MYO5B: variants seen among roughly 807,000 people sequenced by gnomAD.
The protein encoded by MYO5B is unconventional myosin-Vb.
A neutral mutation model predicts 229.3 loss-of-function variants in MYO5B; 143 were observed. The observed-to-expected ratio is 0.62, with a 90% CI of 0.54 to 0.72. The LOEUF is 0.72. MYO5B is among the 30% of genes least tolerant of loss of function. MYO5B has a pLI of 0.00. For missense variants in MYO5B, 2,321 were observed against 2,331.0 expected (o/e 1.00, Z 0.09); for synonymous variants, 918 against 885.2 (o/e 1.04, Z -0.66).
At chr18:50,060,365 AT>A (rs2030658224) in intron 1 of MYO5B, among the ~76,000 whole-genome samples, 1 of 152,148 alleles carries the variant, frequency 6.6e-6, no homozygotes, top group East Asian at 1.9e-4. Context: ...TTGCCTCTTA[AT>A]TTTTTCTCAC....
chr18:50,081,396 G>A (rs2031216911), intron 1 of MYO5B, among the ~76,000 whole-genome samples: 1 of 152,186 alleles, frequency 6.6e-6, no homozygotes, highest in South Asian at 2.1e-4. Context: ...AAAGCTAACT[G>A]AGGGCTCGGG....
rs748566298 is a variant in MYO5B at position 49,954,354 on chromosome 18, T to A, written c.1627A>T (p.Met543Leu). 6.2e-7 allele frequency: 1 copy of A among 1,614,032 alleles called. No homozygotes were observed. Among genetic ancestry groups the A allele is most frequent in the Non-Finnish European group, 8.5e-7 (1 of 1,179,974 alleles). The change falls in exon 13 of 40, where the codon ATG becomes TTG. Residue 543 changes from methionine to leucine, a missense_variant. Coordinates refer to ENST00000285039, the MANE Select transcript of MYO5B (RefSeq NM_001080467.3). ...SSSQHFQKPR[M>L]SNTAFIIVHF... The stretch of plus-strand genomic sequence containing the variant: ...ACGATGATGAAGGCCGTGTTGGACA[T>A]GCGGGGCTTCTGGAAGTGCTGGCTG...
chr18:49,836,647 G>C, intron 38 of MYO5B, 64 bp downstream of exon 38: 1 of 1,583,346 alleles, frequency 6.3e-7, no homozygotes, highest in Admixed American at 1.7e-5. Context: ...AACGAGAACA[G>C]ACTTGGAATG....
At chr18:50,173,698 G>A (rs2032952792) in intron 1 of MYO5B, among the ~76,000 whole-genome samples, 1 of 152,188 alleles carries the variant, frequency 6.6e-6, no homozygotes, top group South Asian at 2.1e-4. Context: ...CTGGATCTGG[G>A]TCTTAGGCTG....
At chr18:50,153,688 G>C (rs937127739) in intron 1 of MYO5B, among the ~76,000 whole-genome samples, 4 of 152,194 alleles carry the variant, frequency 2.6e-5, no homozygotes, top group African/African-American at 9.6e-5. Context: ...GACCTCTAGT[G>C]ATCTGCCCGC....
intron 1 of MYO5B, among the ~76,000 whole-genome samples, chr18:50,121,659 T>C (rs775192409): frequency 2.0e-5 from 3 of 152,182 alleles, no homozygotes; most frequent in Non-Finnish European, 4.4e-5. Flanking sequence ...CCTCACTTCA[T>C]CATTCAATGT....
chr18:50,040,396 A>G lies in MYO5B; in HGVS notation c.139-82T>C. On this transcript the variant is annotated intron_variant, in intron 2 of 39. Transcript: ENST00000285039. ...TTCAATGTCCTGTCTTCTTAGCTGG[A>G]ATCACCATCTTAACATGATAGTAAG... The G allele has an allele frequency of 3.1e-6, 4 of 1,286,106 alleles. No homozygotes were observed. In the Admixed American group the frequency reaches 5.0e-5, roughly 16 times the overall value. The allele number at this position is 1,286,106 out of a possible 1,614,324, so 79.7% of individuals were successfully genotyped here.
At chr18:49,877,934 A>G in intron 24 of MYO5B, 52 bp from the exon 25 acceptor site, 4 of 1,610,820 alleles carry the variant, frequency 2.5e-6, no homozygotes, top group Non-Finnish European at 2.5e-6. Context: ...GTTCATGAGA[A>G]TTTACCTCCC....
chr18:49,962,389 C>T lies in MYO5B; in HGVS notation c.1422G>A (p.Glu474=). Residue 474 remains glutamate (E), a synonymous_variant, in exon 12 of 40, where the codon GAG becomes GAA. Transcript: ENST00000285039. ...QQFNSHVFKL[E]QEEYMKEQIP... ...TCTGTTCCTTCATGTATTCTTCTTG[C>T]TCCAGTTTGAAAACATGCTAGGGCA... is the stretch of plus-strand genomic sequence containing the variant. 1 of 1,614,166 alleles carries T rather than the reference C, an allele frequency of 6.2e-7. No homozygotes were observed. Among genetic ancestry groups the T allele is most frequent in the Non-Finnish European group, 8.5e-7 (1 of 1,180,016 alleles).
intron 4 of MYO5B, among the ~76,000 whole-genome samples, chr18:50,035,552 G>A (rs763937751): frequency 1.2e-4 from 18 of 152,134 alleles, no homozygotes; most frequent in Admixed American, 9.2e-4. Context: ...AAACTCATGC[G>A]CAGGCTGCAT....
At position 49,999,544 on chromosome 18, in the gene MYO5B, T is replaced by G. The variant is rs60822182; in HGVS notation, c.612+1711A>C. Among the ~76,000 whole-genome samples, 928 of 152,348 alleles carry G rather than the reference T, an allele frequency of 6.1e-3. 9 individuals carry two copies. Among genetic ancestry groups the G allele is most frequent in the African/African-American group, 0.022 (900 of 41,574 alleles). ...ATAAGATAGTTCATAAAAAGTTGAA[T>G]GATATGGGGACAAGGCTTATGCTGT... On this transcript the variant is annotated intron_variant, in intron 5 of 39. Transcript: ENST00000285039.
intron 14 of MYO5B, among the ~76,000 whole-genome samples, chr18:49,948,727 G>C (rs1458770918): frequency 6.6e-6 from 1 of 152,174 alleles, no homozygotes; most frequent in Non-Finnish European, 1.5e-5. Context: ...CAATGGACAT[G>C]TGTACTTGTC....
At chr18:49,954,024 ATGTGTGTG>A (rs766610907) in intron 13 of MYO5B, among the ~76,000 whole-genome samples, 1,009 of 51,108 alleles carry the variant, frequency 0.02, 25 homozygotes, top group Admixed American at 0.076. Context: ...ATGTATTTAT[ATGTGTGTG>A]TGTGTGTGTG....
rs1342001906 is a variant in MYO5B, at chr18:49,823,129, G to T, written c.*3342C>A. 1 of 129,430 alleles carries T rather than the reference G, an allele frequency of 7.7e-6. No homozygotes were observed. The highest frequency in any genetic ancestry group is 1.7e-5 in the Non-Finnish European group (1 of 59,444). 8.0% of individuals were successfully genotyped at this position (129,430 alleles called of 1,614,324 possible). A position where few individuals can be genotyped will look rare whatever the true frequency, so the allele number is the denominator to read the frequency against. On this transcript the variant is annotated 3_prime_UTR_variant, in exon 40 of 40. Transcript: ENST00000285039. ...TGATTGATCCCCTTTGTTAGAATTA[G>T]AAATTTTTTGAAAAACAATCTTTTG...
At chr18:49,915,957 C>T (rs892331533) in intron 17 of MYO5B, among the ~76,000 whole-genome samples, 2 of 152,152 alleles carry the variant, frequency 1.3e-5, no homozygotes, top group Admixed American at 6.5e-5. Context: ...TGAAAAAGGG[C>T]CTCACAGAGT....
At chr18:49,876,494 C>T (rs974887063) in intron 25 of MYO5B, among the ~76,000 whole-genome samples, 1 of 152,200 alleles carries the variant, frequency 6.6e-6, no homozygotes, top group African/African-American at 2.4e-5. Context: ...CATGTATGTA[C>T]ATGTGAGACA....
chr18:50,010,383 C>G (rs554912744), intron 4 of MYO5B, among the ~76,000 whole-genome samples: 1 of 152,286 alleles, frequency 6.6e-6, no homozygotes, highest in South Asian at 2.1e-4. Context: ...GGAGTGCCAC[C>G]CAGCCCACCC....
intron 14 of MYO5B, among the ~76,000 whole-genome samples, chr18:49,943,441 G>C (rs2025338721): frequency 6.6e-6 from 1 of 152,154 alleles, no homozygotes; most frequent in South Asian, 2.1e-4. Flanking sequence ...AAGGTAACTA[G>C]TGAGCTGTCA....
chr18:50,041,388 T>G (rs1433322671), intron 2 of MYO5B, among the ~76,000 whole-genome samples: 1 of 152,122 alleles, frequency 6.6e-6, no homozygotes. Context: ...TCTCACCCCA[T>G]CTTTAGAGGG....
Sources: allele counts gnomAD v4.1 joint callset (sites outside exome capture counted in the v4.1 genomes callset), GRCh38; gene constraint gnomAD v4.1.1; transcripts MANE v1.5; gene names NCBI Gene and HGNC (gene_info 2026-07-23, HGNC 2026-07-21).